ZDHHC3: variants seen among roughly 807,000 people sequenced by gnomAD.
ZDHHC3 encodes the protein zDHHC palmitoyltransferase 3, also known as palmitoyltransferase ZDHHC3.
A neutral mutation model predicts 30.6 loss-of-function variants in ZDHHC3; 9 were observed. That is an observed-to-expected ratio of 0.29 (90% confidence interval 0.18 to 0.51). The LOEUF (loss-of-function observed/expected upper bound fraction) is 0.51. Ranked by LOEUF, ZDHHC3 falls within the 20% of genes least tolerant of loss-of-function variation. ZDHHC3 has a pLI of 0.97. For synonymous variants in ZDHHC3, 136 were observed against 140.2 expected (o/e 0.97, Z 0.21); for missense variants, 246 against 384.2 (o/e 0.64, Z 3.01).
At chr3:44,927,142 G>A (rs973042649) in intron 6 of ZDHHC3, among the ~76,000 whole-genome samples, 19 of 152,126 alleles carry the variant, frequency 1.2e-4, no homozygotes, top group African/African-American at 4.6e-4. Flanking sequence ...GATAAGGAGC[G>A]CGTCTCTCCA....
chr3:44,924,882 T>C lies in ZDHHC3; in HGVS notation c.*1807A>G. On this transcript the variant is annotated 3_prime_UTR_variant, in exon 7 of 7. Transcript: ENST00000424952. ...CTCAGCCTCGCCCGTATCGCATGAA[T>C]AGCACCGTAGACACGAGGTAAAGTT... 2.0e-6 allele frequency: 2 copies of C among 985,540 alleles called. No individual in the cohort carries two copies. Among genetic ancestry groups the C allele is most frequent in the Non-Finnish European group, 1.2e-6 (1 of 829,938 alleles). The allele number at this position is 985,540 out of a possible 1,614,324, so 61.0% of individuals were successfully genotyped here.
intron 1 of ZDHHC3, chr3:44,975,308 G>A (rs1705815904): frequency 6.6e-6 from 1 of 152,234 alleles, no homozygotes. Context: ...ATCGCAAGGG[G>A]TTGGGGTTGG....
chr3:44,924,796 T>C lies in ZDHHC3; in HGVS notation c.*1893A>G, dbSNP rs151055502. On this transcript the variant is annotated 3_prime_UTR_variant, in exon 7 of 7. Transcript: ENST00000424952. ...TATGAAAAAATTTTAAAAAAGCATA[T>C]GGAAAACAAATGCTATCAACTTGAT... 196 of 985,506 alleles carry C rather than the reference T, an allele frequency of 2.0e-4. 1 individual carries two copies. In the East Asian group the frequency reaches 0.016, roughly 82 times the overall value. 61.0% of individuals were successfully genotyped at this position (985,506 alleles called of 1,614,324 possible). A position where few individuals can be genotyped will look rare whatever the true frequency, so the allele number is the denominator to read the frequency against.
At chr3:44,935,359 T>C (rs968398549) in intron 3 of ZDHHC3, among the ~76,000 whole-genome samples, 7 of 152,274 alleles carry the variant, frequency 4.6e-5, no homozygotes, top group African/African-American at 1.4e-4. Context: ...CACTGCAACT[T>C]CCCGGGTTCC....
At chr3:44,950,323 T>G (rs1420216542) in intron 2 of ZDHHC3, among the ~76,000 whole-genome samples, 1 of 152,184 alleles carries the variant, frequency 6.6e-6, no homozygotes, top group Non-Finnish European at 1.5e-5. Flanking sequence ...GGTGGTTTTT[T>G]TGTTTAGTCC....
Position 44,920,249 on chromosome 3 carries a change from G to T in ZDHHC3, c.*6440C>A. 7.8e-7 allele frequency: 1 copy of T among 1,289,888 alleles called. No individual in the cohort carries two copies. The highest frequency in any genetic ancestry group is 1.0e-6 in the Non-Finnish European group (1 of 988,876). The allele number at this position is 1,289,888 out of a possible 1,614,324, so 79.9% of individuals were successfully genotyped here. A position where few individuals can be genotyped will look rare whatever the true frequency, so the allele number is the denominator to read the frequency against. On this transcript the variant is annotated 3_prime_UTR_variant, in exon 7 of 7. Coordinates refer to ENST00000424952, the MANE Select transcript of ZDHHC3 (RefSeq NM_001135179.2). ...CTGCTTCCTGACTGGCCCCTCGCCA[G>T]GCCTCCCTTCTTGGCACAGAAGCAG...
intron 2 of ZDHHC3, among the ~76,000 whole-genome samples, chr3:44,956,306 A>C (rs958484911): frequency 6.6e-6 from 1 of 152,170 alleles, no homozygotes; most frequent in Non-Finnish European, 1.5e-5. Context: ...CAGACTGACT[A>C]TCTACTGCCC....
Position 44,919,082 on chromosome 3 carries a change from G to C in ZDHHC3, c.*7607C>G. On this transcript the variant is annotated 3_prime_UTR_variant, in exon 7 of 7. Coordinates refer to ENST00000424952, the MANE Select transcript of ZDHHC3 (RefSeq NM_001135179.2). ...TTCCCACGCCATTTCAGAGATTTAA[G>C]ATTCTTGACTTTTGAATAAATTCTA... The C allele has an allele frequency of 1.0e-6, 1 of 985,308 alleles. No homozygotes were observed. Among genetic ancestry groups the C allele is most frequent in the Non-Finnish European group, 1.2e-6 (1 of 829,860 alleles). 61.0% of individuals were successfully genotyped at this position (985,308 alleles called of 1,614,324 possible).
At chr3:44,940,523 G>A (rs752671775) in intron 3 of ZDHHC3, among the ~76,000 whole-genome samples, 17 of 152,224 alleles carry the variant, frequency 1.1e-4, no homozygotes, top group Non-Finnish European at 1.5e-4. Flanking sequence ...ATGAGACGCT[G>A]TAAGCTGGTG....
intron 1 of ZDHHC3, among the ~76,000 whole-genome samples, chr3:44,972,515 T>A (rs1263011641): frequency 2.6e-5 from 4 of 152,154 alleles, no homozygotes; most frequent in Non-Finnish European, 2.9e-5. Flanking sequence ...GCCCTGAAGC[T>A]CTTTTGTAAC....
chr3:44,932,543 T>C (rs1176194864), intron 5 of ZDHHC3, among the ~76,000 whole-genome samples: 1 of 152,212 alleles, frequency 6.6e-6, no homozygotes, highest in Non-Finnish European at 1.5e-5. Context: ...TGCAATCTTC[T>C]GGCTGGAGTT....
At chr3:44,963,322 T>C (rs369668416) in intron 1 of ZDHHC3, among the ~76,000 whole-genome samples, 35 of 152,166 alleles carry the variant, frequency 2.3e-4, no homozygotes, top group African/African-American at 7.7e-4. Context: ...AGACACCAAG[T>C]CCTGACCTGA....
intron 1 of ZDHHC3, among the ~76,000 whole-genome samples, chr3:44,970,243 G>A (rs1024948573): frequency 6.6e-6 from 1 of 152,190 alleles, no homozygotes; most frequent in African/African-American, 2.4e-5. Flanking sequence ...AGGAACCTGG[G>A]ACCACAGAAA....
In ZDHHC3 at chr3:44,925,801, C is replaced by T; in HGVS notation, c.*888G>A. 1.0e-6 allele frequency: 1 copy of T among 985,816 alleles called. No individual in the cohort carries two copies. 61.1% of individuals were successfully genotyped at this position (985,816 alleles called of 1,614,324 possible). The stretch of plus-strand genomic sequence containing the variant: ...GGCTGTATGTGTTGGGCACTGGTGC[C>T]TATTGCAGTCAGAATTCACACTGCT... On this transcript the variant is annotated 3_prime_UTR_variant, in exon 7 of 7. Transcript: ENST00000424952.
Position 44,923,673 on chromosome 3 carries a change from C to T in ZDHHC3, c.*3016G>A, listed in dbSNP as rs1177290066. ...AAAAAATTAGCCAGGCATGGTAGTA[C>T]GTGCCTGTAGCCCTGGATATTCAGG... is the stretch of plus-strand genomic sequence containing the variant. On this transcript the variant is annotated 3_prime_UTR_variant, in exon 7 of 7. Coordinates refer to ENST00000424952, the MANE Select transcript of ZDHHC3 (RefSeq NM_001135179.2). 5.2e-6 allele frequency: 4 copies of T among 762,854 alleles called. No individual in the cohort carries two copies. Among genetic ancestry groups the T allele is most frequent in the East Asian group, 1.3e-4 (1 of 7,750 alleles). The allele number at this position is 762,854 out of a possible 1,614,324, so 47.3% of individuals were successfully genotyped here.
At chr3:44,933,746 G>T (rs1329131615) in intron 4 of ZDHHC3, 142 bp downstream of exon 4, 3 of 790,170 alleles carry the variant, frequency 3.8e-6, no homozygotes, top group Non-Finnish European at 6.5e-6. Flanking sequence ...TTGAGCCAGA[G>T]AGATCTTTGG....
At chr3:44,934,332 A>G (rs913065449) in intron 3 of ZDHHC3, among the ~76,000 whole-genome samples, 1 of 152,072 alleles carries the variant, frequency 6.6e-6, no homozygotes, top group African/African-American at 2.4e-5. Flanking sequence ...GCAGTTTCAA[A>G]AACTTGACCA....
intron 2 of ZDHHC3, among the ~76,000 whole-genome samples, chr3:44,953,262 A>T (rs1703630018): frequency 6.6e-6 from 1 of 152,234 alleles, no homozygotes; most frequent in Non-Finnish European, 1.5e-5. Flanking sequence ...CTATCAGAAG[A>T]CAAACATATC....
At chr3:44,970,786 A>C (rs185067411) in intron 1 of ZDHHC3, among the ~76,000 whole-genome samples, 1 of 152,242 alleles carries the variant, frequency 6.6e-6, no homozygotes, top group African/African-American at 2.4e-5. Flanking sequence ...AAGCACTAGC[A>C]AAATATATCA....
Sources: gnomAD v4.1 joint callset for allele counts (sites outside exome capture counted in the v4.1 genomes callset) on GRCh38, gnomAD v4.1.1 for gene constraint, MANE v1.5 for transcripts, NCBI Gene and HGNC (gene_info 2026-07-23, HGNC 2026-07-21) for gene names.